COL5A1: variants seen among roughly 807,000 people sequenced by gnomAD.
COL5A1 encodes collagen alpha-1(V) chain.
A neutral mutation model predicts 263.7 loss-of-function variants in COL5A1; 16 were observed. That is an observed-to-expected ratio of 0.06 (90% confidence interval 0.04 to 0.09). The LOEUF (loss-of-function observed/expected upper bound fraction) is 0.09, where lower values mean the gene tolerates loss of function less well. Among genes scored for constraint, COL5A1 ranks in the 10% least tolerant of loss-of-function variants. The pLI is 1.00. For missense variants in COL5A1, 2,036 were observed against 2,540.5 expected (o/e 0.80, Z 4.27); for synonymous variants, 1,012 against 1,004.5 (o/e 1.01, Z -0.14).
chr9:134,769,900 C>T (rs1836815944), intron 25 of COL5A1, among the ~76,000 whole-genome samples: 1 of 152,190 alleles, frequency 6.6e-6, no homozygotes, highest in Non-Finnish European at 1.5e-5. Flanking sequence ...TCTCGGCCCT[C>T]AGCTGACCTA....
rs769115550 is a variant in COL5A1, at chr9:134,727,350, G to A, written c.739G>A (p.Ala247Thr). ...GCACTACAGCCCTGACTGTGACACC[G>A]CAGTACCTGACACCCCACAGTCGCA... Reference protein sequence around the residue: ...CEHYSPDCDTAVPDTPQSQDP... With the variant: ...CEHYSPDCDTTVPDTPQSQDP... Residue 247 changes from alanine (A) to threonine (T), a missense_variant, in exon 5 of 66, where the codon GCA (alanine) becomes ACA (threonine). Ala to Thr is a moderately conservative substitution (Grantham distance 58, BLOSUM62 0). Coordinates refer to ENST00000371817, the MANE Select transcript of COL5A1 (RefSeq NM_000093.5). 2.2e-5 allele frequency: 35 copies of A among 1,613,930 alleles called. No homozygotes were observed. Among genetic ancestry groups the A allele is most frequent in the African/African-American group, 2.7e-5 (2 of 75,006 alleles).
Position 134,643,519 on chromosome 9 carries a change from T to G in COL5A1, c.109+1223T>G, listed in dbSNP as rs527810737. Among the ~76,000 whole-genome samples, 4 of 152,302 alleles carry G rather than the reference T, an allele frequency of 2.6e-5. No individual in the cohort carries two copies. The South Asian group carries it at 8.3e-4, about 32-fold the overall frequency. ...CCTTTTTCCCTGGCACGATCAGTGC[T>G]TGTTGGGCTAACTGGATGAGCTGGA... On this transcript the variant is annotated intron_variant, in intron 1 of 65. Coordinates refer to ENST00000371817, the MANE Select transcript of COL5A1 (RefSeq NM_000093.5).
intron 64 of COL5A1, among the ~76,000 whole-genome samples, chr9:134,830,797 C>T (rs1045696340): frequency 4.6e-5 from 7 of 152,204 alleles, no homozygotes; most frequent in Non-Finnish European, 1.0e-4. Context: ...TTCTTCTGGC[C>T]GGTGTAGTGC....
intron 1 of COL5A1, among the ~76,000 whole-genome samples, chr9:134,665,412 C>T (rs1056430964): frequency 2.6e-5 from 4 of 152,174 alleles, no homozygotes; most frequent in African/African-American, 9.7e-5. Flanking sequence ...CACCAATCTC[C>T]AAGATATGTT....
intron 28 of COL5A1, among the ~76,000 whole-genome samples, chr9:134,782,306 G>A (rs567179672): frequency 1.2e-4 from 19 of 152,196 alleles, no homozygotes; most frequent in South Asian, 8.3e-4. Flanking sequence ...CCCTTTACCC[G>A]TCACTTCAGT....
In COL5A1 at chr9:134,761,927, T is replaced by G. The variant is rs139200158; in HGVS notation, c.1938T>G (p.Gly646=). The G allele has an allele frequency of 6.2e-7, 1 of 1,613,508 alleles. No individual in the cohort carries two copies. Among genetic ancestry groups the G allele is most frequent in the South Asian group, 1.1e-5 (1 of 91,072 alleles). The change falls in exon 19 of 66, where the codon GGT becomes GGG. Residue 646 remains glycine, a splice_region_variant and synonymous_variant. Coordinates refer to ENST00000371817, the MANE Select transcript of COL5A1 (RefSeq NM_000093.5). The part of the protein sequence containing the change: ...AGLPGEKGHR[G]DPGPSGPPGP... Reference sequence around the variant, plus strand: ...ACGTTGACCCTTTCACTTCCTAGGGTGACCCTGGTCCTTCCGGCCCACCAG... The same window carrying G: ...ACGTTGACCCTTTCACTTCCTAGGGGGACCCTGGTCCTTCCGGCCCACCAG...
intron 63 of COL5A1, among the ~76,000 whole-genome samples, chr9:134,829,119 A>AT (rs1839460381): frequency 6.6e-6 from 1 of 151,804 alleles, no homozygotes; most frequent in African/African-American, 2.4e-5. Flanking sequence ...CCCTTGGTCC[A>AT]TCATTCATTC....
intron 1 of COL5A1, among the ~76,000 whole-genome samples, chr9:134,679,679 T>TAG (rs1429796215): frequency 3.7e-5 from 1 of 27,046 alleles, no homozygotes; most frequent in African/African-American, 1.5e-4. Context: ...CGGGGCTTCT[T>TAG]GGGGCACTGC....
intron 4 of COL5A1, chr9:134,708,585 A>AC (rs766418024): frequency 1.2e-5 from 6 of 518,596 alleles, no homozygotes; most frequent in African/African-American, 1.9e-5. Context: ...GGCAGCCCAG[A>AC]CCCCACCCTG....
At chr9:134,822,221 G>A in intron 59 of COL5A1, 71 bp downstream of exon 59, 1 of 1,284,290 alleles carries the variant, frequency 7.8e-7, no homozygotes, top group Non-Finnish European at 1.1e-6. Flanking sequence ...TGGGGCCTCA[G>A]TGTGGAGCTA....
intron 28 of COL5A1, among the ~76,000 whole-genome samples, chr9:134,782,152 C>T (rs766467330): frequency 1.3e-4 from 20 of 152,180 alleles, no homozygotes; most frequent in Admixed American, 3.3e-4. Context: ...CAGGGGTGCG[C>T]GGGCCGCTGA....
chr9:134,648,954 G>A (rs1019112114), intron 1 of COL5A1, among the ~76,000 whole-genome samples: 2 of 152,160 alleles, frequency 1.3e-5, no homozygotes, highest in Non-Finnish European at 2.9e-5. Flanking sequence ...TACAAGGAAC[G>A]GAGGTCCAGG....
intron 25 of COL5A1, among the ~76,000 whole-genome samples, chr9:134,768,744 G>A (rs1412495821): frequency 2.6e-5 from 4 of 152,222 alleles, no homozygotes; most frequent in Admixed American, 1.3e-4. Context: ...TCAGGCCTGC[G>A]TGCTGAGCCG....
intron 27 of COL5A1, among the ~76,000 whole-genome samples, chr9:134,775,182 G>A (rs541416988): frequency 1.1e-4 from 17 of 152,346 alleles, no homozygotes; most frequent in Middle Eastern, 3.4e-3. Context: ...GCGCGCTGGC[G>A]GCCATCTGTC....
chr9:134,826,648 ATGTGGCTGGTGGATGGGTG>A (rs1564488868), intron 63 of COL5A1, among the ~76,000 whole-genome samples: 1 of 101,296 alleles, frequency 9.9e-6, no homozygotes, highest in Non-Finnish European at 1.8e-5. Flanking sequence ...GTGTGGGTGC[ATGTGGCTGGTGGATGGGTG>A]TGTGTATGGG....
At chr9:134,763,764 TG>T in intron 20 of COL5A1, 27 bp downstream of exon 20, 1 of 1,608,972 alleles carries the variant, frequency 6.2e-7, no homozygotes, top group Non-Finnish European at 8.5e-7. Context: ...AGTGGGACGG[TG>T]GGGGCTCAGT....
rs191197455 is a variant in COL5A1, at chr9:134,819,328, G to A, written c.4446+275G>A. 2.1e-3 allele frequency among the ~76,000 whole-genome samples: 315 copies of A among 152,384 alleles called. 3 individuals are homozygous for A. In the East Asian group the frequency reaches 0.026, roughly 13 times the overall value. On this transcript the variant is annotated intron_variant, in intron 57 of 65. Transcript: ENST00000371817. ...CTTCCAGCTAGGCACAGAGGCCCCG[G>A]CTGATGGGTGTCCAGGATCCCAGGT...
intron 29 of COL5A1, among the ~76,000 whole-genome samples, chr9:134,784,048 C>T (rs556262146): frequency 2.0e-5 from 3 of 152,050 alleles, no homozygotes; most frequent in African/African-American, 4.8e-5. Context: ...AGGGGTGGGA[C>T]CCATCCTGAG....
intron 2 of COL5A1, among the ~76,000 whole-genome samples, chr9:134,692,230 C>T (rs117266966): frequency 0.014 from 2,139 of 152,324 alleles, 17 homozygotes; most frequent in Non-Finnish European, 0.022. Flanking sequence ...GGACCCCTGG[C>T]AGCCCATATT....
Sources: gnomAD v4.1 joint callset for allele counts (sites outside exome capture counted in the v4.1 genomes callset) on GRCh38, gnomAD v4.1.1 for gene constraint, MANE v1.5 for transcripts, NCBI Gene and HGNC (gene_info 2026-07-23, HGNC 2026-07-21) for gene names.